ENPP7: variants seen among roughly 807,000 people sequenced by gnomAD.
ENPP7 encodes the protein ectonucleotide pyrophosphatase/phosphodiesterase 7, also known as ectonucleotide pyrophosphatase/phosphodiesterase family member 7.
ENPP7 carries 39 observed loss-of-function variants against 33.6 expected under a neutral mutation model. The ratio of observed to expected loss-of-function variants is 1.16; its 90% confidence interval spans 0.90 to 1.52. ENPP7 has a LOEUF of 1.52. Ranked by LOEUF, ENPP7 falls within the 40% of genes most tolerant of loss-of-function variation. The pLI, the probability that ENPP7 is intolerant of heterozygous loss-of-function variation, is 0.00. For synonymous variants in ENPP7, 244 were observed against 274.3 expected (o/e 0.89, Z 1.09); for missense variants, 594 against 641.0 (o/e 0.93, Z 0.79).
rs1555824242 is a variant in ENPP7, at chr17:79,739,535, G to C, written c.*16+1473G>C. On this transcript the variant is annotated intron_variant, in intron 5 of 5. Coordinates refer to ENST00000328313, the MANE Select transcript of ENPP7 (RefSeq NM_178543.5). This position sits in a 1 kb window ranked among gnomAD's most constrained non-coding sequence, Gnocchi z 4.4. Reference sequence around the variant, plus strand: ...AGGTTTGTGGACAGATTATGTGGGAGGGTGAAGAAAATGCAAAAATGAAAG... The same window carrying C: ...AGGTTTGTGGACAGATTATGTGGGACGGTGAAGAAAATGCAAAAATGAAAG... 2 of 152,346 alleles carry C rather than the reference G, an allele frequency of 1.3e-5. No homozygotes were observed. The highest frequency in any genetic ancestry group is 1.5e-5 in the Non-Finnish European group (1 of 68,122). 9.4% of individuals were successfully genotyped at this position (152,346 alleles called of 1,614,324 possible).
At position 79,736,335 on chromosome 17, in the gene ENPP7, G is replaced by A. The variant is rs375282791; in HGVS notation, c.1026+666G>A. 5.9e-5 allele frequency among the ~76,000 whole-genome samples: 9 copies of A among 152,306 alleles called. No individual in the cohort carries two copies. The East Asian group carries it at 1.7e-3, about 29-fold the overall frequency. On this transcript the variant is annotated intron_variant, in intron 3 of 5. Transcript: ENST00000328313. ...ATTACAGGGGTGAGCCACTGCGTCT[G>A]GCCTCTCCTTCCATCTCCATAGAGG...
Position 79,737,277 on chromosome 17 carries a change from C to A in ENPP7, c.1246+17C>A, listed in dbSNP as rs1348650661. 2 of 1,572,520 alleles carry A rather than the reference C, an allele frequency of 1.3e-6. No individual in the cohort carries two copies. Among genetic ancestry groups the A allele is most frequent in the African/African-American group, 1.3e-5 (1 of 74,232 alleles). ...TGCACACAGGTGAGGGCAGGGTGCC[C>A]CAAATCCCCGCCTGCTCTGGTGTGT... On this transcript the variant is annotated intron_variant, in intron 4 of 5. Coordinates refer to ENST00000328313, the MANE Select transcript of ENPP7 (RefSeq NM_178543.5). The surrounding 1 kb of genome is among the most constrained non-coding windows in gnomAD (Gnocchi z 5.5).
At chr17:79,732,135 T>TATATACAC (rs2094287285) in intron 1 of ENPP7, among the ~76,000 whole-genome samples, 1 of 40,966 alleles carries the variant, frequency 2.4e-5, no homozygotes, top group East Asian at 9.2e-4. Context: ...TATATATGTA[T>TATATACAC]ATATATATAT....
In ENPP7 at chr17:79,738,491, C is replaced by T. The variant is rs1298488902; in HGVS notation, c.*16+429C>T. The T allele has an allele frequency of 1.8e-5, 3 of 166,416 alleles. No homozygotes were observed. The highest frequency in any genetic ancestry group is 5.8e-5 in the Admixed American group (1 of 17,310). 10.3% of individuals were successfully genotyped at this position (166,416 alleles called of 1,614,324 possible). On this transcript the variant is annotated intron_variant, in intron 5 of 5. Coordinates refer to ENST00000328313, the MANE Select transcript of ENPP7 (RefSeq NM_178543.5). This position sits in a 1 kb window ranked among gnomAD's most constrained non-coding sequence, Gnocchi z 6.2. ...AACTCTCCAGGAGCCTCCTAGGACA[C>T]GCATGAGGTGTGTTTGGTAGGAGAG...
intron 5 of ENPP7, among the ~76,000 whole-genome samples, chr17:79,740,163 A>C (rs2094302833): frequency 6.6e-6 from 1 of 152,092 alleles, no homozygotes; most frequent in South Asian, 2.1e-4. Context: ...CTGCCACTGC[A>C]CTCCACCATG....
At position 79,731,182 on chromosome 17, in the gene ENPP7, C is replaced by A. The variant is rs782007180; in HGVS notation, c.43C>A (p.Leu15Ile). Residue 15 changes from leucine to isoleucine, a missense_variant, in exon 1 of 6, where the codon CTC becomes ATC. By Grantham distance (5) the Leu-to-Ile change is conservative. Transcript: ENST00000328313. Reference sequence around the variant, plus strand: ...CCTCCTCACTGTGGCTCTGGCCACGCTCCTGGCTCCCGGGGCCGGAGCACC... The same window carrying A: ...CCTCCTCACTGTGGCTCTGGCCACGATCCTGGCTCCCGGGGCCGGAGCACC... ...AVLLTVALAT[L>I]LAPGAGAPVQ... The A allele has an allele frequency of 3.1e-6, 5 of 1,611,244 alleles. No homozygotes were observed. The highest frequency in any genetic ancestry group is 4.1e-4 in the Middle Eastern group (2 of 4,900).
rs782093477 is a variant in ENPP7, at chr17:79,733,546, T to A, written c.292T>A (p.Tyr98Asn). 3 of 1,613,438 alleles carry A rather than the reference T, an allele frequency of 1.9e-6. No individual in the cohort carries two copies. The highest frequency in any genetic ancestry group is 1.7e-5 in the Admixed American group (1 of 60,008). ...GAACCACGGGGTGGTTCACAACATG[T>A]ACTACAACACCACCAGCAAGGTGAA... ...IENHGVVHNM[Y>N]YNTTSKVKLP... is the part of the protein sequence containing the mutation. Residue 98 changes from tyrosine to asparagine, a missense_variant, in exon 2 of 6, where the codon TAC becomes AAC. Tyr to Asn is a moderately radical substitution (Grantham distance 143, BLOSUM62 -2). Around this residue, in one of 3 missense-constraint regions of ENPP7, gnomAD observed 504 missense variants for 512.8 expected, o/e 0.98. Transcript: ENST00000328313.
intron 3 of ENPP7, among the ~76,000 whole-genome samples, chr17:79,736,536 CGTGTGTGTG>C (rs2094296112): frequency 4.3e-4 from 63 of 146,116 alleles, no homozygotes; most frequent in African/African-American, 1.5e-3. Flanking sequence ...GTGTGATAGG[CGTGTGTGTG>C]TGTGTGTGTG....
rs1212218344 is a variant in ENPP7 at position 79,738,578 on chromosome 17, A to C, written c.*16+516A>C. 1.3e-5 allele frequency: 2 copies of C among 151,152 alleles called. No homozygotes were observed. The highest frequency in any genetic ancestry group is 5.0e-5 in the African/African-American group (2 of 40,230). 9.4% of individuals were successfully genotyped at this position (151,152 alleles called of 1,614,324 possible). On this transcript the variant is annotated intron_variant, in intron 5 of 5. Coordinates refer to ENST00000328313, the MANE Select transcript of ENPP7 (RefSeq NM_178543.5). This position sits in a 1 kb window ranked among gnomAD's most constrained non-coding sequence, Gnocchi z 6.2. ...ACCTCTGAGGACACGCGTGGGGTGCATTTAGGAGGAGAGCTCTGGGGCTGC... is the reference window on the plus strand; with the variant it reads ...ACCTCTGAGGACACGCGTGGGGTGCCTTTAGGAGGAGAGCTCTGGGGCTGC...
Position 79,735,376 on chromosome 17 carries a change from T to A in ENPP7, c.733T>A (p.Ser245Thr), listed in dbSNP as rs977014725. The A allele has an allele frequency of 1.2e-6, 2 of 1,613,768 alleles. No homozygotes were observed. The highest frequency in any genetic ancestry group is 2.7e-5 in the African/African-American group (2 of 74,868). The change falls in exon 3 of 6, where the codon TCC (serine) becomes ACC (threonine). Residue 245 changes from serine (S) to threonine (T), a missense_variant. By Grantham distance (58) the Ser-to-Thr change is moderately conservative (BLOSUM62 1). Coordinates refer to ENST00000328313, the MANE Select transcript of ENPP7 (RefSeq NM_178543.5). The surrounding 1 kb of genome is among the most constrained non-coding windows in gnomAD (Gnocchi z 5.5). ...LTDRLNLIIT[S>T]DHGMTTVDKR... ...AGACCGCCTCAACCTGATCATCACA[T>A]CCGACCACGGCATGACGACCGTGGA...
chr17:79,736,536 CGTGTGTGTGTGTGTGTGTGTGTGT>C (rs58744239), intron 3 of ENPP7, among the ~76,000 whole-genome samples: 2,033 of 146,114 alleles, frequency 0.014, 107 homozygotes, highest in Admixed American at 0.1. Context: ...GTGTGATAGG[CGTGTGTGTGTGTGTGTGTGTGTGT>C]GTGTGTGTGT....
rs186115041 is a variant in ENPP7, at chr17:79,740,698, C to T, written c.*17-1096C>T. Among the ~76,000 whole-genome samples, 77 of 152,360 alleles carry T rather than the reference C, an allele frequency of 5.1e-4. 1 individual carries two copies. Among genetic ancestry groups the T allele is most frequent in the Admixed American group, 4.8e-3 (74 of 15,306 alleles). ...ACACGGCTTTTCCCCAGAGGAGCAG[C>T]CACGGTGGCGTCCCAGCAAACCTGC... On this transcript the variant is annotated intron_variant, in intron 5 of 5. Transcript: ENST00000328313.
Position 79,733,567 on chromosome 17 carries a change from G to A in ENPP7, c.313G>A (p.Val105Met). 2 of 1,613,616 alleles carry A rather than the reference G, an allele frequency of 1.2e-6. No homozygotes were observed. The highest frequency in any genetic ancestry group is 1.7e-6 in the Non-Finnish European group (2 of 1,180,026). Residue 105 changes from valine (V) to methionine (M), a missense_variant, in exon 2 of 6, where the codon GTG (valine) becomes ATG (methionine). Around this residue, in one of 3 missense-constraint regions of ENPP7, gnomAD observed 504 missense variants for 512.8 expected, o/e 0.98. Transcript: ENST00000328313. ...HNMYYNTTSK[V>M]KLPYHATLGI... ...CATGTACTACAACACCACCAGCAAG[G>A]TGAAGCTGCCCTACCACGCCACGCT... is the stretch of plus-strand genomic sequence containing the variant.
In ENPP7 at chr17:79,735,281, G is replaced by A. The variant is rs1555823298; in HGVS notation, c.638G>A (p.Arg213Lys). ...HRYGPESPER[R>K]EMVRQVDRTV... ...TACGGCCCCGAGTCCCCGGAGAGGA[G>A]GGAGATGGTGCGGCAGGTGGACCGG... is the stretch of plus-strand genomic sequence containing the variant. The change falls in exon 3 of 6, where the codon AGG becomes AAG. Residue 213 changes from arginine to lysine, a missense_variant. Coordinates refer to ENST00000328313, the MANE Select transcript of ENPP7 (RefSeq NM_178543.5). This position sits in a 1 kb window ranked among gnomAD's most constrained non-coding sequence, Gnocchi z 5.5. 1.2e-6 allele frequency: 2 copies of A among 1,613,530 alleles called. No individual in the cohort carries two copies. The highest frequency in any genetic ancestry group is 1.7e-5 in the Admixed American group (1 of 60,004).
rs782663065 is a variant in ENPP7 at position 79,737,928 on chromosome 17, C to A, written c.1259C>A (p.Pro420Gln). ...TGGCTTTCCTTAGAATCTGCTCTTC[C>A]GCCTGATGGAAGGCCTACTCTCCTG... ...LPMLHTESAL[P>Q]PDGRPTLLPK... The change falls in exon 5 of 6, where the codon CCG (proline) becomes CAG (glutamine). Residue 420 changes from proline to glutamine, a missense_variant. Pro to Gln is a moderately conservative substitution (Grantham distance 76, BLOSUM62 -1). Transcript: ENST00000328313. This position sits in a 1 kb window ranked among gnomAD's most constrained non-coding sequence, Gnocchi z 5.5. 1 of 1,613,842 alleles carries A rather than the reference C, an allele frequency of 6.2e-7. No homozygotes were observed.
At position 79,737,199 on chromosome 17, in the gene ENPP7, G is replaced by A; in HGVS notation, c.1185G>A (p.Leu395=). The change falls in exon 4 of 6, where the codon CTG becomes CTA. Residue 395 remains leucine (L), a synonymous_variant. Transcript: ENST00000328313. This position sits in a 1 kb window ranked among gnomAD's most constrained non-coding sequence, Gnocchi z 5.5. ...VHVYELMCRL[L]GIVPEANDGH... is the part of the protein sequence containing the mutation. ...TGTACGAGCTCATGTGCCGGCTGCT[G>A]GGCATCGTGCCCGAGGCCAACGATG... is the stretch of plus-strand genomic sequence containing the variant. The A allele has an allele frequency of 6.2e-7, 1 of 1,613,002 alleles. No individual in the cohort carries two copies. Among genetic ancestry groups the A allele is most frequent in the Non-Finnish European group, 8.5e-7 (1 of 1,180,008 alleles).
Position 79,737,004 on chromosome 17 carries a change from C to T in ENPP7, c.1027-37C>T, listed in dbSNP as rs377019562. 170 of 1,586,972 alleles carry T rather than the reference C, an allele frequency of 1.1e-4. No homozygotes were observed. The highest frequency in any genetic ancestry group is 1.4e-4 in the Non-Finnish European group (158 of 1,156,450). ...GTAGGCGGAGAGGGTCTGTTGCTCC[C>T]AGCAAGGACCCAGGACCCTTGCCCG... On this transcript the variant is annotated intron_variant, in intron 3 of 5. Coordinates refer to ENST00000328313, the MANE Select transcript of ENPP7 (RefSeq NM_178543.5). This position sits in a 1 kb window ranked among gnomAD's most constrained non-coding sequence, Gnocchi z 5.5.
chr17:79,735,114 C>T lies in ENPP7; in HGVS notation c.471C>T (p.Ser157=). 1 of 1,613,042 alleles carries T rather than the reference C, an allele frequency of 6.2e-7. No homozygotes were observed. Among genetic ancestry groups the T allele is most frequent in the Non-Finnish European group, 8.5e-7 (1 of 1,180,028 alleles). The change falls in exon 3 of 6, where the codon AGC becomes AGT. Residue 157 remains serine, a synonymous_variant. Coordinates refer to ENST00000328313, the MANE Select transcript of ENPP7 (RefSeq NM_178543.5). This position sits in a 1 kb window ranked among gnomAD's most constrained non-coding sequence, Gnocchi z 5.5. The stretch of plus-strand genomic sequence containing the variant: ...ACCAAGGGGTGGCTGTGACGCGGAG[C>T]CGGAAAGAAGGCATCGCACACAACT... ...VTYQGVAVTR[S]RKEGIAHNYK...
intron 5 of ENPP7, 110 bp from the exon 6 acceptor site, chr17:79,741,684 C>A: frequency 3.5e-6 from 1 of 284,204 alleles, no homozygotes; most frequent in Non-Finnish European, 5.2e-6. Context: ...TTTCCCACGA[C>A]CCCTCCCTCC....
Sources: allele counts gnomAD v4.1 joint callset (sites outside exome capture counted in the v4.1 genomes callset), GRCh38; gene constraint gnomAD v4.1.1; regional missense constraint gnomAD v4.1.1; non-coding constraint Gnocchi (gnomAD v3.1); transcripts MANE v1.5; gene names NCBI Gene and HGNC (gene_info 2026-07-23, HGNC 2026-07-21).